STX8: variants seen among roughly 807,000 people sequenced by gnomAD.
The protein encoded by STX8 is syntaxin-8.
Under a neutral mutation model 37.5 loss-of-function variants are expected in STX8, and 23 were observed. The observed-to-expected ratio is 0.61, with a 90% CI of 0.44 to 0.87. The LOEUF is 0.87. Ranked by LOEUF, STX8 falls within the 40% of genes least tolerant of loss-of-function variation. The pLI is 0.00. For missense variants in STX8, 313 were observed against 284.7 expected, an observed-to-expected ratio of 1.10 and a Z score of -0.71; for synonymous variants, 115 against 99.1, an observed-to-expected ratio of 1.16 and a Z score of -0.95.
chr17:9,277,029 C>A (rs1196921421), intron 7 of STX8, among the ~76,000 whole-genome samples: 1 of 151,966 alleles, frequency 6.6e-6, no homozygotes, highest in African/African-American at 2.4e-5. Flanking sequence ...CACACGACAA[C>A]CTTGAACTCT....
At chr17:9,423,185 T>C (rs565769964) in intron 6 of STX8, among the ~76,000 whole-genome samples, 134 of 152,352 alleles carry the variant, frequency 8.8e-4, no homozygotes, top group African/African-American at 2.9e-3. Flanking sequence ...CTATCTGTAA[T>C]TCCTAACCTT....
At chr17:9,458,306 C>CCGT (rs1423128798) in intron 6 of STX8, among the ~76,000 whole-genome samples, 1 of 150,930 alleles carries the variant, frequency 6.6e-6, no homozygotes, top group Non-Finnish European at 1.5e-5. Flanking sequence ...ACCACTGCCA[C>CCGT]GCCTGGCTAA....
At chr17:9,451,796 G>C (rs544645945) in intron 6 of STX8, among the ~76,000 whole-genome samples, 20 of 152,104 alleles carry the variant, frequency 1.3e-4, no homozygotes, top group Admixed American at 1.2e-3. Flanking sequence ...TATACAGAGA[G>C]AGAGAGAGAG....
intron 7 of STX8, among the ~76,000 whole-genome samples, chr17:9,268,947 G>A (rs1212356798): frequency 2.0e-5 from 3 of 152,328 alleles, no homozygotes; most frequent in Admixed American, 2.0e-4. Context: ...CAGCACTTTG[G>A]GAGGCTGAGG....
chr17:9,519,178 T>C (rs1239239499), intron 4 of STX8, among the ~76,000 whole-genome samples: 4 of 152,186 alleles, frequency 2.6e-5, no homozygotes, highest in African/African-American at 9.7e-5. Context: ...CTACCCATAA[T>C]ATCTCCCTAC....
chr17:9,485,940 A>G (rs1906578265), intron 6 of STX8, among the ~76,000 whole-genome samples: 1 of 152,152 alleles, frequency 6.6e-6, no homozygotes, highest in East Asian at 1.9e-4. Context: ...AAAATACAGA[A>G]AAACAGAGGG....
At chr17:9,533,176 T>G (rs1447248373) in intron 4 of STX8, among the ~76,000 whole-genome samples, 1 of 152,178 alleles carries the variant, frequency 6.6e-6, no homozygotes, top group East Asian at 1.9e-4. Context: ...CACGTTAAAA[T>G]TGCTTGCAGG....
At chr17:9,393,233 C>T (rs1567541710) in intron 6 of STX8, among the ~76,000 whole-genome samples, 1 of 152,170 alleles carries the variant, frequency 6.6e-6, no homozygotes, top group East Asian at 1.9e-4. Context: ...GAGCTATCAA[C>T]ACAAAATTCT....
At chr17:9,310,223 G>C (rs959028536) in intron 7 of STX8, among the ~76,000 whole-genome samples, 3 of 152,090 alleles carry the variant, frequency 2.0e-5, no homozygotes, top group Admixed American at 2.0e-4. Context: ...AGAGAACTTC[G>C]TGGTGGAGAC....
At chr17:9,492,446 A>G (rs997005065) in intron 5 of STX8, among the ~76,000 whole-genome samples, 2 of 152,242 alleles carry the variant, frequency 1.3e-5, no homozygotes, top group African/African-American at 4.8e-5. Flanking sequence ...TAATAGGTGA[A>G]TAAGTTTTAC....
chr17:9,547,952 A>G (rs1226375062), intron 3 of STX8, among the ~76,000 whole-genome samples: 2 of 151,612 alleles, frequency 1.3e-5, no homozygotes, highest in African/African-American at 4.8e-5. Context: ...CACCACACCC[A>G]GCTAATTTTT....
At chr17:9,541,641 AAC>A (rs1328038268) in intron 4 of STX8, among the ~76,000 whole-genome samples, 6 of 152,170 alleles carry the variant, frequency 3.9e-5, no homozygotes, top group African/African-American at 1.4e-4. Flanking sequence ...GGGTCCTTCT[AAC>A]ACCTCATCCA....
chr17:9,428,441 C>T (rs185824648), intron 6 of STX8, among the ~76,000 whole-genome samples: 2,044 of 152,256 alleles, frequency 0.013, 19 homozygotes, highest in Non-Finnish European at 0.021. Context: ...GGGGTTTCAC[C>T]GTGTTAGCCA....
intron 6 of STX8, among the ~76,000 whole-genome samples, chr17:9,440,177 C>G (rs776475975): frequency 4.5e-4 from 68 of 152,210 alleles, no homozygotes; most frequent in Middle Eastern, 6.8e-3. Flanking sequence ...TCTGGATACT[C>G]CCTTACAGCC....
At chr17:9,487,446 T>C (rs997068305) in intron 6 of STX8, among the ~76,000 whole-genome samples, 3 of 152,164 alleles carry the variant, frequency 2.0e-5, no homozygotes, top group Non-Finnish European at 4.4e-5. Flanking sequence ...ATGGCCTTTT[T>C]TCGCTTTAAC....
At position 9,257,386 on chromosome 17, in the gene STX8, A is replaced by T. The variant is rs143188028; in HGVS notation, c.644-6741T>A. Among the ~76,000 whole-genome samples, 4 of 152,316 alleles carry T rather than the reference A, an allele frequency of 2.6e-5. No individual in the cohort carries two copies. In the East Asian group the frequency reaches 7.7e-4, roughly 29 times the overall value. On this transcript the variant is annotated intron_variant, in intron 7 of 7. Transcript: ENST00000306357. Reference sequence around the variant, plus strand: ...CAGTGAAACACTGGAAACGAGCAAAATACGGAGCTTGTGCTGCCAACGCCC... The same window carrying T: ...CAGTGAAACACTGGAAACGAGCAAATTACGGAGCTTGTGCTGCCAACGCCC...
intron 7 of STX8, among the ~76,000 whole-genome samples, chr17:9,294,260 G>A (rs1908431891): frequency 6.6e-6 from 1 of 152,196 alleles, no homozygotes; most frequent in African/African-American, 2.4e-5. Flanking sequence ...GGAAAGGAAA[G>A]ATATGAAGTC....
chr17:9,473,055 T>A (rs1033827132), intron 6 of STX8, among the ~76,000 whole-genome samples: 9 of 151,888 alleles, frequency 5.9e-5, no homozygotes, highest in African/African-American at 2.2e-4. Flanking sequence ...TCTTTTTTTT[T>A]TTTTGAGATG....
chr17:9,407,243 G>A (rs1912833230), intron 6 of STX8, among the ~76,000 whole-genome samples: 1 of 152,128 alleles, frequency 6.6e-6, no homozygotes, highest in Non-Finnish European at 1.5e-5. Context: ...GCCCAAGCTG[G>A]TGTCGAACTC....
Sources: gnomAD v4.1 joint callset for allele counts (sites outside exome capture counted in the v4.1 genomes callset) on GRCh38, gnomAD v4.1.1 for gene constraint, MANE v1.5 for transcripts, NCBI Gene and HGNC (gene_info 2026-07-23, HGNC 2026-07-21) for gene names.